ROBO2: variants seen among roughly 807,000 people sequenced by gnomAD.
ROBO2 encodes the protein roundabout guidance receptor 2.
A neutral mutation model predicts 160.8 loss-of-function variants in ROBO2; 53 were observed. That is an observed-to-expected ratio of 0.33 (90% CI 0.26 to 0.41). The LOEUF is 0.41. Among genes scored for constraint, ROBO2 ranks in the 10% least tolerant of loss-of-function variants. ROBO2 has a pLI of 1.00. For synonymous variants in ROBO2, 664 were observed against 611.7 expected, an observed-to-expected ratio of 1.09 and a Z score of -1.26; for missense variants, 1,577 against 1,722.4, an observed-to-expected ratio of 0.92 and a Z score of 1.49.
At chr3:77,397,074 A>C (rs2075351905) in intron 2 of ROBO2, among the ~76,000 whole-genome samples, 1 of 152,104 alleles carries the variant, frequency 6.6e-6, no homozygotes, top group African/African-American at 2.4e-5. Flanking sequence ...TACACATATC[A>C]TTAGATTATC....
At chr3:75,968,565 C>T (rs955586817) in intron 2 of ROBO2, among the ~76,000 whole-genome samples, 1 of 151,528 alleles carries the variant, frequency 6.6e-6, no homozygotes, top group Non-Finnish European at 1.5e-5. Flanking sequence ...CATCACCGTC[C>T]ATAGTTATAT....
chr3:76,779,159 C>T (rs2062466920), intron 2 of ROBO2, among the ~76,000 whole-genome samples: 1 of 150,996 alleles, frequency 6.6e-6, no homozygotes, highest in Admixed American at 6.6e-5. Context: ...TTATTTTCTT[C>T]TACTCCTTTA....
At chr3:77,628,673 T>A (rs546595144) in intron 23 of ROBO2, among the ~76,000 whole-genome samples, 38 of 152,270 alleles carry the variant, frequency 2.5e-4, no homozygotes, top group Middle Eastern at 3.4e-3. Context: ...ATTCCATACA[T>A]CTTAACCAAA....
At chr3:76,721,027 A>G (rs1028938645) in intron 2 of ROBO2, among the ~76,000 whole-genome samples, 2 of 152,188 alleles carry the variant, frequency 1.3e-5, no homozygotes, top group African/African-American at 4.8e-5. Context: ...TCTGGCATAA[A>G]TTCTTAAACA....
At position 77,535,613 on chromosome 3, in the gene ROBO2, A is replaced by C. The variant is rs1468756160; in HGVS notation, c.935-10725A>C. Among the ~76,000 whole-genome samples the C allele has an allele frequency of 2.0e-5, 3 of 152,266 alleles. No individual in the cohort carries two copies. In the East Asian group the frequency reaches 5.8e-4, roughly 29 times the overall value. On this transcript the variant is annotated intron_variant, in intron 6 of 25. Transcript: ENST00000461745. ...TTAAGTTAATAGCACTTTTTATTTC[A>C]TATTAAGAGTCCCTTAAAGAAAACA...
intron 2 of ROBO2, among the ~76,000 whole-genome samples, chr3:76,584,332 C>CT (rs1327705530): frequency 6.6e-6 from 1 of 151,836 alleles, no homozygotes; most frequent in Non-Finnish European, 1.5e-5. Context: ...ATGATTCCCC[C>CT]CCAGAATCAT....
intron 2 of ROBO2, among the ~76,000 whole-genome samples, chr3:77,450,975 C>A (rs1338240733): frequency 6.6e-6 from 1 of 152,174 alleles, no homozygotes; most frequent in Middle Eastern, 3.4e-3. Context: ...AAAGCATGTT[C>A]CAAACACCCT....
intron 2 of ROBO2, among the ~76,000 whole-genome samples, chr3:77,425,910 G>A (rs571701813): frequency 1.3e-4 from 20 of 152,114 alleles, no homozygotes; most frequent in African/African-American, 4.6e-4. Flanking sequence ...TAATCTGCCT[G>A]CCTCAGCCTC....
chr3:77,515,698 T>A (rs924528531), intron 5 of ROBO2, among the ~76,000 whole-genome samples: 7 of 151,674 alleles, frequency 4.6e-5, no homozygotes, highest in Admixed American at 2.6e-4. Flanking sequence ...TCAGGATTTT[T>A]AAAAATTGAA....
chr3:76,437,572 C>A (rs1234179383), intron 2 of ROBO2, among the ~76,000 whole-genome samples: 1 of 152,074 alleles, frequency 6.6e-6, no homozygotes, highest in Non-Finnish European at 1.5e-5. Context: ...CTTCTGAATT[C>A]TGAACAGACA....
chr3:76,567,030 C>T (rs2084570801), intron 2 of ROBO2, among the ~76,000 whole-genome samples: 1 of 152,054 alleles, frequency 6.6e-6, no homozygotes. Flanking sequence ...AATCAGCTAC[C>T]TTTAGGAGAA....
At chr3:76,717,824 G>GC (rs1560436720) in intron 2 of ROBO2, among the ~76,000 whole-genome samples, 10 of 151,562 alleles carry the variant, frequency 6.6e-5, no homozygotes, top group African/African-American at 2.4e-4. Context: ...CCATAACCAA[G>GC]ATTTGCAGGT....
chr3:77,216,604 C>T (rs560560553), intron 2 of ROBO2, among the ~76,000 whole-genome samples: 1 of 152,152 alleles, frequency 6.6e-6, no homozygotes, highest in African/African-American at 2.4e-5. Context: ...GTCCGACATT[C>T]CCCAGTGAGA....
chr3:77,508,936 A>G (rs894309523), intron 5 of ROBO2, among the ~76,000 whole-genome samples: 1 of 152,088 alleles, frequency 6.6e-6, no homozygotes, highest in Admixed American at 6.6e-5. Flanking sequence ...CAACTCTCAT[A>G]AGTTTGTAGT....
intron 2 of ROBO2, among the ~76,000 whole-genome samples, chr3:76,845,477 A>C (rs1270658400): frequency 6.6e-6 from 1 of 151,950 alleles, no homozygotes; most frequent in Non-Finnish European, 1.5e-5. Context: ...TTATCTTTCC[A>C]ATGTGACAGA....
chr3:75,971,844 C>G (rs1292668344), intron 2 of ROBO2, among the ~76,000 whole-genome samples: 1 of 151,456 alleles, frequency 6.6e-6, no homozygotes, highest in Non-Finnish European at 1.5e-5. Flanking sequence ...AAAAATAAGT[C>G]CTTCAGCCTC....
At chr3:76,905,246 C>T (rs2075516189) in intron 2 of ROBO2, among the ~76,000 whole-genome samples, 1 of 152,010 alleles carries the variant, frequency 6.6e-6, no homozygotes, top group Non-Finnish European at 1.5e-5. Flanking sequence ...AGTTCCTCTA[C>T]CACATGTCCT....
chr3:76,459,607 AC>A (rs1308620153), intron 2 of ROBO2, among the ~76,000 whole-genome samples: 22 of 152,254 alleles, frequency 1.4e-4, no homozygotes, highest in African/African-American at 5.3e-4. Context: ...TGGCTTTGTT[AC>A]TAAATGCCAT....
At chr3:77,262,820 G>C (rs573361929) in intron 2 of ROBO2, among the ~76,000 whole-genome samples, 13 of 152,234 alleles carry the variant, frequency 8.5e-5, no homozygotes, top group East Asian at 5.8e-4. Context: ...GCATTTACAG[G>C]AAGTCTGAGA....
Sources: allele counts gnomAD v4.1 joint callset (sites outside exome capture counted in the v4.1 genomes callset), GRCh38; gene constraint gnomAD v4.1.1; transcripts MANE v1.5; gene names NCBI Gene and HGNC (gene_info 2026-07-23, HGNC 2026-07-21).